PSKH1: variants seen among roughly 807,000 people sequenced by gnomAD.
PSKH1 encodes the protein serine/threonine-protein kinase H1.
In PSKH1, 12 loss-of-function variants were observed where a neutral mutation model predicts 26.7. That is an observed-to-expected ratio of 0.45 (90% CI 0.29 to 0.73). The LOEUF is 0.73. PSKH1 is among the 30% of genes least tolerant of loss of function. The pLI, the probability that PSKH1 is intolerant of heterozygous loss-of-function variation, is 0.11. For missense variants in PSKH1, 431 were observed against 595.2 expected (o/e 0.72, Z 2.87); for synonymous variants, 213 against 234.3 (o/e 0.91, Z 0.83).
Position 67,927,979 on chromosome 16 carries a change from CCAAT to C in PSKH1, c.*341_*344del, listed in dbSNP as rs1216995184. ...GTCTCCCTTGCCCTTTGACTTTTCC[CCAAT>C]CAAAGGGAACTGCAGTGCTGGGTGG... On this transcript the variant is annotated 3_prime_UTR_variant, in exon 3 of 3. Coordinates refer to ENST00000291041, the MANE Select transcript of PSKH1 (RefSeq NM_006742.3). The surrounding 1 kb of genome is among the most constrained non-coding windows in gnomAD (Gnocchi z 5.5). The C allele has an allele frequency of 9.2e-6, 3 of 327,440 alleles. No homozygotes were observed. Among genetic ancestry groups the C allele is most frequent in the Middle Eastern group, 8.5e-4 (1 of 1,176 alleles). The allele number at this position is 327,440 out of a possible 1,614,324, so 20.3% of individuals were successfully genotyped here.
At chr16:67,923,804 A>G (rs1335432890) in intron 2 of PSKH1, among the ~76,000 whole-genome samples, 2 of 152,184 alleles carry the variant, frequency 1.3e-5, no homozygotes, top group Admixed American at 6.5e-5. Context: ...GAGCATGACT[A>G]TTCATCATTT....
intron 2 of PSKH1, among the ~76,000 whole-genome samples, chr16:67,923,011 G>A (rs183879007): frequency 2.0e-5 from 3 of 152,358 alleles, no homozygotes; most frequent in African/African-American, 4.8e-5. Context: ...CTTGGGTAGT[G>A]TTCATGCCAG....
intron 1 of PSKH1, among the ~76,000 whole-genome samples, chr16:67,894,692 C>T (rs1197332272): frequency 2.0e-5 from 3 of 152,130 alleles, no homozygotes; most frequent in African/African-American, 7.2e-5. Context: ...TGGCTCTGTG[C>T]CTGGCATAAA....
At chr16:67,896,314 G>T (rs952293269) in intron 1 of PSKH1, among the ~76,000 whole-genome samples, 36 of 151,762 alleles carry the variant, frequency 2.4e-4, no homozygotes. Flanking sequence ...TCACCGTATT[G>T]CTCAGGCTGG....
chr16:67,904,948 TC>T (rs2058152181), intron 1 of PSKH1, among the ~76,000 whole-genome samples: 1 of 149,660 alleles, frequency 6.7e-6, no homozygotes, highest in Non-Finnish European at 1.5e-5. Flanking sequence ...TGCCTCAGCC[TC>T]CCGAGTAGCT....
chr16:67,917,538 T>C (rs1291654906), intron 2 of PSKH1, among the ~76,000 whole-genome samples: 2 of 152,192 alleles, frequency 1.3e-5, no homozygotes, highest in Non-Finnish European at 2.9e-5. Context: ...AAGTGATAAC[T>C]GGTGGGGGAA....
In PSKH1 at chr16:67,927,894, C is replaced by T. The variant is rs1257720891; in HGVS notation, c.*252C>T. The stretch of plus-strand genomic sequence containing the variant: ...CTGGGAGCCTGGCCTGGCACTGATA[C>T]CCCTCTTGGTGGGCAGCTGCTCTGG... On this transcript the variant is annotated 3_prime_UTR_variant, in exon 3 of 3. Coordinates refer to ENST00000291041, the MANE Select transcript of PSKH1 (RefSeq NM_006742.3). This position sits in a 1 kb window ranked among gnomAD's most constrained non-coding sequence, Gnocchi z 5.5. 5.5e-6 allele frequency: 3 copies of T among 543,444 alleles called. No homozygotes were observed. Among genetic ancestry groups the T allele is most frequent in the African/African-American group, 3.8e-5 (2 of 53,136 alleles). 33.7% of individuals were successfully genotyped at this position (543,444 alleles called of 1,614,324 possible).
chr16:67,916,587 C>G (rs1261108808), intron 2 of PSKH1, among the ~76,000 whole-genome samples: 1 of 152,068 alleles, frequency 6.6e-6, no homozygotes, highest in East Asian at 1.9e-4. Flanking sequence ...TGGGAGCCCT[C>G]TGCACTGTGG....
chr16:67,914,750 G>A (rs777819087), intron 2 of PSKH1, among the ~76,000 whole-genome samples: 6 of 152,162 alleles, frequency 3.9e-5, no homozygotes, highest in African/African-American at 1.2e-4. Context: ...CACCGCACCC[G>A]GTGAAACTGA....
chr16:67,895,424 T>C (rs1410400262), intron 1 of PSKH1, among the ~76,000 whole-genome samples: 2 of 151,446 alleles, frequency 1.3e-5, no homozygotes, highest in Non-Finnish European at 2.9e-5. Flanking sequence ...TTTTTTTTTT[T>C]CTGAGATGGA....
chr16:67,929,389 T>C lies in PSKH1; in HGVS notation c.*1747T>C, dbSNP rs2151316399. On this transcript the variant is annotated 3_prime_UTR_variant, in exon 3 of 3. Coordinates refer to ENST00000291041, the MANE Select transcript of PSKH1 (RefSeq NM_006742.3). ...CCAATGCCCCCTGGGCAGGAGGCAG[T>C]GGAGAACCAAGCCCCATGGCCTCAG... The C allele has an allele frequency of 6.4e-6, 1 of 156,804 alleles. No individual in the cohort carries two copies. The highest frequency in any genetic ancestry group is 2.4e-5 in the African/African-American group (1 of 41,626). The allele number at this position is 156,804 out of a possible 1,614,324, so 9.7% of individuals were successfully genotyped here.
At chr16:67,903,708 G>C (rs1304194181) in intron 1 of PSKH1, among the ~76,000 whole-genome samples, 3 of 151,914 alleles carry the variant, frequency 2.0e-5, no homozygotes, top group Non-Finnish European at 4.4e-5. Flanking sequence ...TGTGCTTCTT[G>C]CTACACTCCT....
intron 2 of PSKH1, among the ~76,000 whole-genome samples, chr16:67,918,517 G>A (rs2058193700): frequency 6.6e-6 from 1 of 151,916 alleles, no homozygotes; most frequent in Non-Finnish European, 1.5e-5. Flanking sequence ...TTGGGTGTCT[G>A]GTCTGCAGGT....
intron 2 of PSKH1, among the ~76,000 whole-genome samples, chr16:67,912,190 T>C (rs750498719): frequency 3.3e-5 from 5 of 152,186 alleles, no homozygotes; most frequent in Non-Finnish European, 7.3e-5. Context: ...AATGGGACCA[T>C]ACTGGTACTG....
intron 1 of PSKH1, among the ~76,000 whole-genome samples, chr16:67,896,003 T>C (rs2058125312): frequency 6.6e-6 from 1 of 152,220 alleles, no homozygotes; most frequent in Admixed American, 6.5e-5. Context: ...ATGGTACATA[T>C]AAGATCCTTA....
At chr16:67,921,558 G>A (rs137914380) in intron 2 of PSKH1, among the ~76,000 whole-genome samples, 101 of 152,128 alleles carry the variant, frequency 6.6e-4, no homozygotes, top group Non-Finnish European at 1.2e-3. Context: ...TCCAGCCTGG[G>A]TGACAGAGTG....
chr16:67,920,925 G>A (rs1424701012), intron 2 of PSKH1, among the ~76,000 whole-genome samples: 2 of 151,846 alleles, frequency 1.3e-5, no homozygotes, highest in East Asian at 3.9e-4. Context: ...CAGTGTGGAT[G>A]AGATGGTTAC....
intron 2 of PSKH1, among the ~76,000 whole-genome samples, chr16:67,910,461 A>AT (rs907102396): frequency 3.3e-5 from 5 of 151,734 alleles, no homozygotes; most frequent in South Asian, 2.1e-4. Context: ...TCCAGATCTG[A>AT]TTTTTTTTTA....
intron 1 of PSKH1, among the ~76,000 whole-genome samples, chr16:67,903,597 C>A (rs1342136344): frequency 6.6e-6 from 1 of 151,842 alleles, no homozygotes; most frequent in Non-Finnish European, 1.5e-5. Flanking sequence ...CCTCCCCAGA[C>A]ATCAGATTCT....
Sources: gnomAD v4.1 joint callset for allele counts (sites outside exome capture counted in the v4.1 genomes callset) on GRCh38, gnomAD v4.1.1 for gene constraint, Gnocchi (gnomAD v3.1) non-coding constraint, MANE v1.5 for transcripts, NCBI Gene and HGNC (gene_info 2026-07-23, HGNC 2026-07-21) for gene names.